Variants in ASIC2 observed in about 807,000 individuals in gnomAD.
ASIC2 encodes acid sensing ion channel subunit 2.
ASIC2 carries 25 observed loss-of-function variants against 57.3 expected under a neutral mutation model. The observed-to-expected ratio is 0.44, with a 90% confidence interval of 0.32 to 0.61. The LOEUF (loss-of-function observed/expected upper bound fraction) is 0.61. Ranked by LOEUF, ASIC2 falls within the 20% of genes least tolerant of loss-of-function variation. ASIC2 has a pLI of 0.06. For synonymous variants in ASIC2, 319 were observed against 307.5 expected, an observed-to-expected ratio of 1.04 and a Z score of -0.39; for missense variants, 641 against 738.1, an observed-to-expected ratio of 0.87 and a Z score of 1.52.
At chr17:33,091,119 A>G (rs940925459) in intron 2 of ASIC2, among the ~76,000 whole-genome samples, 7 of 152,220 alleles carry the variant, frequency 4.6e-5, no homozygotes, top group Non-Finnish European at 7.3e-5. Flanking sequence ...CCAGGGCTCC[A>G]TCACCTAACC....
At chr17:33,268,067 T>C (rs1336434515) in intron 1 of ASIC2, among the ~76,000 whole-genome samples, 1 of 152,164 alleles carries the variant, frequency 6.6e-6, no homozygotes, top group Admixed American at 6.5e-5. Flanking sequence ...TTGAAGGCAG[T>C]TGGTCCTGTG....
chr17:33,863,738 T>TTTG (rs1353973234), intron 1 of ASIC2, among the ~76,000 whole-genome samples: 2 of 152,236 alleles, frequency 1.3e-5, no homozygotes, highest in East Asian at 3.8e-4. Flanking sequence ...AAAGTGGTAT[T>TTTG]AATATGCTTC....
intron 1 of ASIC2, among the ~76,000 whole-genome samples, chr17:33,926,948 A>G (rs1326203100): frequency 6.6e-6 from 1 of 151,338 alleles, no homozygotes; most frequent in Non-Finnish European, 1.5e-5. Context: ...TTTTTTTGAG[A>G]CAGAGTCTCG....
chr17:33,382,466 C>T (rs998647469), intron 1 of ASIC2, among the ~76,000 whole-genome samples: 1 of 152,138 alleles, frequency 6.6e-6, no homozygotes, highest in Non-Finnish European at 1.5e-5. Flanking sequence ...GAGGCTGCAT[C>T]AAAAGCAGTA....
At chr17:33,967,247 TGA>T (rs59723667) in intron 1 of ASIC2, among the ~76,000 whole-genome samples, 1 of 151,574 alleles carries the variant, frequency 6.6e-6, no homozygotes, top group Non-Finnish European at 1.5e-5. Flanking sequence ...TCTTTTTTTC[TGA>T]GAGAGAGAGA....
At chr17:33,933,998 T>C (rs959266497) in intron 1 of ASIC2, among the ~76,000 whole-genome samples, 3 of 152,248 alleles carry the variant, frequency 2.0e-5, no homozygotes, top group Admixed American at 2.0e-4. Flanking sequence ...TATTTGATTC[T>C]TTCGGGTCAG....
At chr17:34,118,263 A>G (rs1911487930) in intron 1 of ASIC2, 1 of 152,234 alleles carries the variant, frequency 6.6e-6, no homozygotes, top group Non-Finnish European at 1.5e-5. Context: ...AGTGGAATCA[A>G]TGAGTTAATG....
intron 1 of ASIC2, among the ~76,000 whole-genome samples, chr17:33,195,977 A>T (rs434230): frequency 0.65 from 98,514 of 152,082 alleles, 33,152 homozygotes; most frequent in African/African-American, 0.84. Context: ...AAATGTGGCA[A>T]TTACACATGC....
chr17:33,282,737 G>A (rs1228853220), intron 1 of ASIC2, among the ~76,000 whole-genome samples: 1 of 152,078 alleles, frequency 6.6e-6, no homozygotes, highest in Non-Finnish European at 1.5e-5. Context: ...GCTTCCCAAA[G>A]TGCTGGGATT....
intron 3 of ASIC2, among the ~76,000 whole-genome samples, chr17:33,082,438 C>T (rs941189133): frequency 6.6e-6 from 1 of 152,176 alleles, no homozygotes; most frequent in African/African-American, 2.4e-5. Flanking sequence ...GTGGCTTACA[C>T]CTATAATCCT....
intron 1 of ASIC2, among the ~76,000 whole-genome samples, chr17:34,015,518 T>C (rs1032676972): frequency 1.3e-5 from 2 of 152,244 alleles, no homozygotes; most frequent in Admixed American, 1.3e-4. Flanking sequence ...GGCGAGGCTC[T>C]GCTACAGAGC....
Position 33,255,066 on chromosome 17 carries a change from C to T in ASIC2, c.708+36342G>A, listed in dbSNP as rs143706476. The stretch of plus-strand genomic sequence containing the variant: ...TTTTTTTTTTTTTGGGACAGAGCCT[C>T]GCTCTGTTTGTTGCCCAGGCTGGAG... On this transcript the variant is annotated intron_variant, in intron 1 of 9. Transcript: ENST00000225823. 7.2e-4 allele frequency among the ~76,000 whole-genome samples: 90 copies of T among 125,822 alleles called. No individual in the cohort carries two copies. The East Asian group carries it at 0.017, about 24-fold the overall frequency. 82.5% of individuals were successfully genotyped at this position (125,822 alleles called of 152,430 possible).
At chr17:33,327,374 A>G (rs1196218063) in intron 1 of ASIC2, among the ~76,000 whole-genome samples, 1 of 152,232 alleles carries the variant, frequency 6.6e-6, no homozygotes, top group Non-Finnish European at 1.5e-5. Flanking sequence ...TGTTGCAACT[A>G]GAGTGCCCAG....
At chr17:34,038,911 A>G in intron 1 of ASIC2, 6 of 1,612,814 alleles carry the variant, frequency 3.7e-6, no homozygotes, top group Non-Finnish European at 5.1e-6. Context: ...GTTGCTTGAT[A>G]AGATTCTGAA....
intron 1 of ASIC2, among the ~76,000 whole-genome samples, chr17:33,938,008 C>T (rs1419203886): frequency 1.3e-5 from 2 of 152,204 alleles, no homozygotes; most frequent in Non-Finnish European, 2.9e-5. Flanking sequence ...GCCTAAATCT[C>T]CTGGGAAGAA....
At chr17:33,596,350 G>C (rs1233402694) in intron 1 of ASIC2, among the ~76,000 whole-genome samples, 1 of 152,268 alleles carries the variant, frequency 6.6e-6, no homozygotes, top group African/African-American at 2.4e-5. Flanking sequence ...GGAAAATGAT[G>C]GTAGAGAATT....
chr17:34,033,592 A>T (rs1907723588), intron 1 of ASIC2, among the ~76,000 whole-genome samples: 1 of 152,212 alleles, frequency 6.6e-6, no homozygotes, highest in Non-Finnish European at 1.5e-5. Context: ...TTTTGAAAAG[A>T]TCAACGAAAT....
chr17:33,900,093 A>G (rs1413018507), intron 1 of ASIC2, among the ~76,000 whole-genome samples: 2 of 152,240 alleles, frequency 1.3e-5, no homozygotes, highest in Non-Finnish European at 2.9e-5. Flanking sequence ...TAAGTGACAC[A>G]TGGTAACCGC....
At chr17:33,574,956 AGAG>A (rs1392645416) in intron 1 of ASIC2, among the ~76,000 whole-genome samples, 1 of 152,140 alleles carries the variant, frequency 6.6e-6, no homozygotes, top group African/African-American at 2.4e-5. Context: ...TCAACCAATA[AGAG>A]TAGAAACTGG....
Sources: gnomAD v4.1 joint callset for allele counts (sites outside exome capture counted in the v4.1 genomes callset) on GRCh38, gnomAD v4.1.1 for gene constraint, MANE v1.5 for transcripts, NCBI Gene and HGNC (gene_info 2026-07-23, HGNC 2026-07-21) for gene names.